Variants in EBF2 observed in about 807,000 individuals in gnomAD.
The protein encoded by EBF2 is EBF transcription factor 2, also known as transcription factor COE2.
A neutral mutation model predicts 72.8 loss-of-function variants in EBF2; 21 were observed. The observed-to-expected ratio is 0.29, with a 90% CI of 0.20 to 0.42. The LOEUF (loss-of-function observed/expected upper bound fraction) is 0.42, where lower values mean the gene tolerates loss of function less well. Among genes scored for constraint, EBF2 ranks in the 10% least tolerant of loss-of-function variants. The probability of loss-of-function intolerance (pLI) is 1.00; values close to 1 mark genes in which losing one functional copy is unlikely to be tolerated. For missense variants in EBF2, 637 were observed against 731.2 expected (o/e 0.87, Z 1.49); for synonymous variants, 299 against 274.2 (o/e 1.09, Z -0.89).
Position 25,843,650 on chromosome 8 carries a change from CTAA to C in EBF2, c.*956_*958del, listed in dbSNP as rs1169455412. 11 of 152,326 alleles carry C rather than the reference CTAA, an allele frequency of 7.2e-5. No individual in the cohort carries two copies. The highest frequency in any genetic ancestry group is 2.6e-4 in the Admixed American group (4 of 15,304). 9.4% of individuals were successfully genotyped at this position (152,326 alleles called of 1,614,324 possible). ...ACTGCTCAGGGGAGAACGTTGAAAG[CTAA>C]TAATAGGAATTTTAAAAAGTATTCA... On this transcript the variant is annotated 3_prime_UTR_variant, in exon 16 of 16. Transcript: ENST00000520164.
intron 6 of EBF2, among the ~76,000 whole-genome samples, chr8:25,926,834 G>T (rs1460889490): frequency 1.3e-5 from 2 of 152,154 alleles, no homozygotes; most frequent in East Asian, 1.9e-4. Context: ...TCACCAAACT[G>T]CCCTGAAGAT....
intron 6 of EBF2, among the ~76,000 whole-genome samples, chr8:25,926,160 T>A (rs758819466): frequency 6.6e-6 from 1 of 151,960 alleles, no homozygotes; most frequent in African/African-American, 2.4e-5. Flanking sequence ...GGGCTCTGTG[T>A]CCCCAGGTAC....
chr8:25,963,527 G>A (rs1804070047), intron 6 of EBF2, among the ~76,000 whole-genome samples: 2 of 152,190 alleles, frequency 1.3e-5, no homozygotes, highest in African/African-American at 2.4e-5. Context: ...CTTACGGGGT[G>A]TGATAGAGAA....
chr8:25,970,935 C>A (rs895363913), intron 6 of EBF2, among the ~76,000 whole-genome samples: 1 of 152,064 alleles, frequency 6.6e-6, no homozygotes, highest in Non-Finnish European at 1.5e-5. Flanking sequence ...TGGGCTCAAG[C>A]AACCCTCCCA....
intron 7 of EBF2, among the ~76,000 whole-genome samples, chr8:25,894,638 C>A (rs892998527): frequency 3.3e-5 from 5 of 152,176 alleles, no homozygotes; most frequent in Non-Finnish European, 4.4e-5. Flanking sequence ...GAGGGTCAGG[C>A]ACAGTTAGAC....
chr8:26,005,453 TTA>T (rs1338402156), intron 6 of EBF2, among the ~76,000 whole-genome samples: 1 of 16,378 alleles, frequency 6.1e-5, no homozygotes, highest in Non-Finnish European at 1.2e-4. Flanking sequence ...ATAAAATATA[TTA>T]TATATTATAA....
intron 6 of EBF2, among the ~76,000 whole-genome samples, chr8:26,014,198 TCTTAA>T (rs1043732479): frequency 1.3e-5 from 2 of 152,092 alleles, no homozygotes; most frequent in Non-Finnish European, 2.9e-5. Flanking sequence ...ATATTTTAAA[TCTTAA>T]CTTATCAAAG....
intron 6 of EBF2, among the ~76,000 whole-genome samples, chr8:26,026,694 C>T (rs571926845): frequency 6.6e-6 from 1 of 152,290 alleles, no homozygotes; most frequent in Non-Finnish European, 1.5e-5. Context: ...ACAGATTCCC[C>T]CTCCAGTGTT....
At chr8:25,971,368 C>T (rs951696195) in intron 6 of EBF2, among the ~76,000 whole-genome samples, 3 of 152,148 alleles carry the variant, frequency 2.0e-5, no homozygotes, top group Non-Finnish European at 2.9e-5. Flanking sequence ...TTTGCAGATC[C>T]GTGTTCTCTT....
At chr8:25,968,525 G>A (rs771878304) in intron 6 of EBF2, among the ~76,000 whole-genome samples, 1 of 152,124 alleles carries the variant, frequency 6.6e-6, no homozygotes. Context: ...CCAGTAGCTG[G>A]GGGGAGGGGA....
chr8:25,907,860 G>A (rs185318489), intron 7 of EBF2, among the ~76,000 whole-genome samples: 71 of 152,294 alleles, frequency 4.7e-4, no homozygotes, highest in Admixed American at 9.2e-4. Context: ...AGCTGCTCTT[G>A]CTTTCGTCTC....
chr8:25,922,699 A>G (rs1374782800), intron 6 of EBF2, among the ~76,000 whole-genome samples: 1 of 152,202 alleles, frequency 6.6e-6, no homozygotes, highest in African/African-American at 2.4e-5. Flanking sequence ...GTCACCTTCT[A>G]CTGCCTTTGA....
intron 6 of EBF2, chr8:26,032,780 G>T: frequency 3.6e-6 from 1 of 278,508 alleles, no homozygotes; most frequent in Non-Finnish European, 6.8e-6. Context: ...AACTGATTGA[G>T]ACCATACCCT....
At chr8:26,002,870 GCGGGC>G (rs1804758291) in intron 6 of EBF2, among the ~76,000 whole-genome samples, 1 of 83,560 alleles carries the variant, frequency 1.2e-5, no homozygotes, top group Non-Finnish European at 3.3e-5. Context: ...AGGCGGGCAG[GCGGGC>G]AGGCGGGCAG....
chr8:26,040,852 CCT>C, intron 3 of EBF2, 85 bp downstream of exon 3: 1 of 1,578,538 alleles, frequency 6.3e-7, no homozygotes, highest in South Asian at 1.1e-5. Flanking sequence ...CCATGCGATC[CCT>C]GAGAGTGATC....
rs769699311 is a variant in EBF2, at chr8:26,042,154, G to T, written c.229C>A (p.Gln77Lys). The T allele has an allele frequency of 6.2e-7, 1 of 1,614,186 alleles. No individual in the cohort carries two copies. The highest frequency in any genetic ancestry group is 1.7e-5 in the Admixed American group (1 of 60,020). Reference sequence around the variant, plus strand: ...CGCTCGATCTCCACCGGCTGGCCCTGCCTGTCATAGAGCGCCAGGACGAAG... The same window carrying T: ...CGCTCGATCTCCACCGGCTGGCCCTTCCTGTCATAGAGCGCCAGGACGAAG... ...FHFVLALYDR[Q>K]GQPVEIERTA... Residue 77 changes from glutamine to lysine, a missense_variant, in exon 2 of 16, where the codon CAG becomes AAG. Physicochemically the swap from Gln to Lys is moderately conservative, Grantham distance 53 (BLOSUM62 1). This residue lies in a region of EBF2 where 174 missense variants were observed against 161.9 expected (regional missense o/e 1.07). Transcript: ENST00000520164.
chr8:25,997,538 T>A (rs1487313493), intron 6 of EBF2, among the ~76,000 whole-genome samples: 1 of 146,982 alleles, frequency 6.8e-6, no homozygotes, highest in African/African-American at 2.5e-5. Context: ...ACCACTGCAC[T>A]CTGGCTCTGG....
intron 6 of EBF2, among the ~76,000 whole-genome samples, chr8:26,005,552 A>ATATATTT (rs1804862103): frequency 2.4e-5 from 1 of 41,302 alleles, no homozygotes; most frequent in African/African-American, 1.2e-4. Context: ...TTATATATAT[A>ATATATTT]TATATATATA....
At chr8:26,043,033 T>C (rs936307715) in intron 1 of EBF2, among the ~76,000 whole-genome samples, 6 of 152,234 alleles carry the variant, frequency 3.9e-5, no homozygotes, top group African/African-American at 1.4e-4. Flanking sequence ...GAGAACCTCC[T>C]TTCCTGGGGC....
Sources: gnomAD v4.1 joint callset for allele counts (sites outside exome capture counted in the v4.1 genomes callset) on GRCh38, gnomAD v4.1.1 for gene constraint, gnomAD v4.1.1 regional missense constraint, MANE v1.5 for transcripts, NCBI Gene and HGNC (gene_info 2026-07-23, HGNC 2026-07-21) for gene names.